Variants in NDUFA5 observed in about 807,000 individuals in gnomAD.
The protein encoded by NDUFA5 is NADH dehydrogenase [ubiquinone] 1 alpha subcomplex subunit 5.
A neutral mutation model predicts 19.8 loss-of-function variants in NDUFA5; 11 were observed. The observed-to-expected ratio is 0.56, with a 90% CI of 0.35 to 0.92. The LOEUF (loss-of-function observed/expected upper bound fraction) is 0.92. Among genes scored for constraint, NDUFA5 ranks in the 40% least tolerant of loss-of-function variants. The pLI is 0.01. For missense variants in NDUFA5, 109 were observed against 134.2 expected (o/e 0.81, Z 0.93); for synonymous variants, 47 against 46.8 (o/e 1.00, Z -0.01).
chr7:123,588,677 G>T, the NDUFA5 span, among the ~76,000 whole-genome samples: 1 of 148,926 alleles, frequency 6.7e-6, no homozygotes, highest in Non-Finnish European at 1.5e-5. Context: ...TATTTATTTG[G>T]GATTTTTTTT....
At chr7:123,566,481 A>C in the NDUFA5 span, among the ~76,000 whole-genome samples, 63 of 152,322 alleles carry the variant, frequency 4.1e-4, no homozygotes, top group African/African-American at 1.4e-3. Context: ...CTTCCTTAGG[A>C]TAGCTGCCCC....
chr7:123,597,917 CGTGTGTGTGTGTGTGT>C, the NDUFA5 span, among the ~76,000 whole-genome samples: 12 of 132,974 alleles, frequency 9.0e-5, no homozygotes, highest in Non-Finnish European at 9.6e-5. Flanking sequence ...TTTCAAACTT[CGTGTGTGTGTGTGTGT>C]GTGTGTGTGT....
At chr7:123,598,441 C>T in the NDUFA5 span, among the ~76,000 whole-genome samples, 1 of 152,018 alleles carries the variant, frequency 6.6e-6, no homozygotes, top group African/African-American at 2.4e-5. Flanking sequence ...AAGTTTGTTT[C>T]TCTTAGATAC....
At chr7:123,572,983 A>G in the NDUFA5 span, among the ~76,000 whole-genome samples, 2 of 151,988 alleles carry the variant, frequency 1.3e-5, no homozygotes, top group East Asian at 3.9e-4. Flanking sequence ...ATGGTGACCT[A>G]TCAAATTTTA....
chr7:123,573,737 C>T, the NDUFA5 span, among the ~76,000 whole-genome samples: 3 of 152,016 alleles, frequency 2.0e-5, no homozygotes, highest in Non-Finnish European at 4.4e-5. Flanking sequence ...TCCCATTATC[C>T]AGAAAGTCTC....
chr7:123,564,982 G>C, the NDUFA5 span, among the ~76,000 whole-genome samples: 1 of 151,266 alleles, frequency 6.6e-6, no homozygotes, highest in Admixed American at 6.6e-5. Flanking sequence ...CATGTAGAGA[G>C]ATTTATTATA....
the NDUFA5 span, among the ~76,000 whole-genome samples, chr7:123,601,257 TA>T: frequency 7.2e-5 from 11 of 152,228 alleles, no homozygotes; most frequent in African/African-American, 2.4e-4. Context: ...CTTGTTTTAT[TA>T]ATACATTTGC....
the NDUFA5 span, among the ~76,000 whole-genome samples, chr7:123,574,456 G>A: frequency 6.6e-6 from 1 of 152,044 alleles, no homozygotes; most frequent in Non-Finnish European, 1.5e-5. Context: ...AGTAAGTCAG[G>A]GATAGGACCT....
At chr7:123,590,674 G>C in the NDUFA5 span, among the ~76,000 whole-genome samples, 1 of 150,854 alleles carries the variant, frequency 6.6e-6, no homozygotes, top group Non-Finnish European at 1.5e-5. Flanking sequence ...TGTTCCATTG[G>C]TCTATATCTC....
At chr7:123,578,879 A>G in the NDUFA5 span, among the ~76,000 whole-genome samples, 2 of 152,142 alleles carry the variant, frequency 1.3e-5, no homozygotes, top group Non-Finnish European at 2.9e-5. Context: ...ACATAAACCT[A>G]TGACAATGTA....
At chr7:123,545,808 A>G (rs1332082616) in intron 3 of NDUFA5, 132 bp from the exon 4 acceptor site, 2 of 600,264 alleles carry the variant, frequency 3.3e-6, no homozygotes, top group Non-Finnish European at 5.6e-6. Flanking sequence ...TTTTTACTAA[A>G]TATTTGGTGA....
At chr7:123,542,983 G>T (rs1797996824) in intron 4 of NDUFA5, among the ~76,000 whole-genome samples, 1 of 152,080 alleles carries the variant, frequency 6.6e-6, no homozygotes, top group South Asian at 2.1e-4. Flanking sequence ...CTGTCAGGAT[G>T]TTAGAAAAGA....
At chr7:123,577,132 C>T in the NDUFA5 span, among the ~76,000 whole-genome samples, 2 of 152,092 alleles carry the variant, frequency 1.3e-5, no homozygotes, top group Non-Finnish European at 2.9e-5. Flanking sequence ...CTGTCTTTTT[C>T]ATATTATTTG....
rs1031071778 is a variant in NDUFA5 at position 123,557,287 on chromosome 7, C to T, written c.66+117G>A. On this transcript the variant is annotated intron_variant, in intron 2 of 4. Coordinates refer to ENST00000355749, the MANE Select transcript of NDUFA5 (RefSeq NM_005000.5). ...AGCGCCCGTGTCTCAAGAGCTCACG[C>T]GGCTTGTAATTAAGGGCTTGAAACA... The T allele has an allele frequency of 3.5e-6, 5 of 1,428,940 alleles. No homozygotes were observed. The East Asian group carries it at 9.8e-5, about 28-fold the overall frequency. 88.5% of individuals were successfully genotyped at this position (1,428,940 alleles called of 1,614,324 possible). A position where few individuals can be genotyped will look rare whatever the true frequency, so the allele number is the denominator to read the frequency against.
chr7:123,553,477 G>A (rs988177633), intron 2 of NDUFA5, among the ~76,000 whole-genome samples: 1 of 152,188 alleles, frequency 6.6e-6, no homozygotes, highest in Non-Finnish European at 1.5e-5. Context: ...GACACATGGG[G>A]ATTATGGGAG....
chr7:123,585,646 T>G, the NDUFA5 span, among the ~76,000 whole-genome samples: 1 of 151,752 alleles, frequency 6.6e-6, no homozygotes, highest in Admixed American at 6.6e-5. Context: ...TGTGTGTGTG[T>G]GTGTGTGTGT....
the NDUFA5 span, among the ~76,000 whole-genome samples, chr7:123,572,626 T>A: frequency 1.3e-5 from 2 of 152,074 alleles, no homozygotes; most frequent in African/African-American, 2.4e-5. Context: ...CTTTTTCTTT[T>A]AACTCCTGGT....
At chr7:123,590,672 T>G in the NDUFA5 span, among the ~76,000 whole-genome samples, 1 of 151,488 alleles carries the variant, frequency 6.6e-6, no homozygotes, top group African/African-American at 2.4e-5. Flanking sequence ...TCTGTTCCAT[T>G]GGTCTATATC....
At chr7:123,578,819 C>T in the NDUFA5 span, among the ~76,000 whole-genome samples, 1 of 152,024 alleles carries the variant, frequency 6.6e-6, no homozygotes, top group African/African-American at 2.4e-5. Context: ...TCTTATTTCC[C>T]CTATTTTTGT....
Sources: allele counts gnomAD v4.1 joint callset (sites outside exome capture counted in the v4.1 genomes callset), GRCh38; gene constraint gnomAD v4.1.1; transcripts MANE v1.5; gene names NCBI Gene and HGNC (gene_info 2026-07-23, HGNC 2026-07-21).